Variants in TMEM260 observed in about 807,000 individuals in gnomAD.
The protein encoded by TMEM260 is protein O-mannosyl-transferase TMEM260.
A neutral mutation model predicts 88.9 loss-of-function variants in TMEM260; 82 were observed. The ratio of observed to expected loss-of-function variants is 0.92; its 90% confidence interval spans 0.77 to 1.11. The LOEUF (loss-of-function observed/expected upper bound fraction) is 1.11. Among genes scored for constraint, TMEM260 ranks in the 50% least tolerant of loss-of-function variants. The probability of loss-of-function intolerance (pLI) is 0.00; values close to 1 mark genes in which losing one functional copy is unlikely to be tolerated. For missense variants in TMEM260, 902 were observed against 853.4 expected (o/e 1.06, Z -0.71); for synonymous variants, 314 against 309.3 (o/e 1.02, Z -0.16).
Position 56,645,009 on chromosome 14 carries a change from G to A in TMEM260, c.1870-2234G>A, listed in dbSNP as rs1889859117. On this transcript the variant is annotated intron_variant, in intron 15 of 15. Coordinates refer to ENST00000261556, the MANE Select transcript of TMEM260 (RefSeq NM_017799.4). ...TCAGGAAACAACAGGTGCTGGAGAG[G>A]ATGTGGAGAAATAGGAACACTTTTA... Among the ~76,000 whole-genome samples, 3 of 151,700 alleles carry A rather than the reference G, an allele frequency of 2.0e-5. No homozygotes were observed. In the South Asian group the frequency reaches 6.3e-4, roughly 32 times the overall value.
intron 15 of TMEM260, among the ~76,000 whole-genome samples, chr14:56,641,686 G>A (rs957632328): frequency 1.3e-5 from 2 of 152,182 alleles, no homozygotes; most frequent in Non-Finnish European, 2.9e-5. Context: ...AAATGTAAAT[G>A]GGCTAAATGC....
chr14:56,595,184 A>G (rs1172616329), intron 3 of TMEM260, among the ~76,000 whole-genome samples: 1 of 152,228 alleles, frequency 6.6e-6, no homozygotes, highest in Non-Finnish European at 1.5e-5. Context: ...TAGCAAGTGT[A>G]AGACTAGATA....
intron 12 of TMEM260, among the ~76,000 whole-genome samples, chr14:56,630,661 G>A (rs1888533045): frequency 6.6e-6 from 1 of 151,918 alleles, no homozygotes; most frequent in South Asian, 2.1e-4. Flanking sequence ...GACAATTCTA[G>A]CATTTGTGTC....
downstream of TMEM260, chr14:56,650,185 G>GC: frequency 2.3e-6 from 1 of 429,404 alleles, no homozygotes; most frequent in South Asian, 1.7e-5. Context: ...CGTTCTAGCA[G>GC]TGTCCCGGGA....
chr14:56,583,686 C>T (rs1031572712), intron 1 of TMEM260, among the ~76,000 whole-genome samples: 6 of 151,924 alleles, frequency 3.9e-5, no homozygotes. Flanking sequence ...AAGCAGGTGT[C>T]TAAGGAAAGG....
intron 8 of TMEM260, 72 bp from the exon 9 acceptor site, chr14:56,617,111 A>G (rs1041564764): frequency 5.0e-5 from 45 of 906,008 alleles, no homozygotes; most frequent in Non-Finnish European, 6.4e-5. Context: ...CTAATAGTTT[A>G]AAGTCCTGTG....
Position 56,648,081 on chromosome 14 carries a change from TA to T in TMEM260, c.*597del, listed in dbSNP as rs953725479. 2.1e-3 allele frequency: 294 copies of T among 142,418 alleles called. No homozygotes were observed. The highest frequency in any genetic ancestry group is 3.6e-3 in the Middle Eastern group (1 of 276). 8.8% of individuals were successfully genotyped at this position (142,418 alleles called of 1,614,324 possible). ...GTCTTAGATCGTTCTTGGAAATCAC[TA>T]AAAAAAAAAAAAGTTAATTTGATGT... On this transcript the variant is annotated 3_prime_UTR_variant, in exon 16 of 16. Transcript: ENST00000261556.
At chr14:56,615,722 A>G (rs1295972030) in intron 7 of TMEM260, 1 of 495,502 alleles carries the variant, frequency 2.0e-6, no homozygotes. Flanking sequence ...ATTCCAAATT[A>G]TATAAGTTGA....
At chr14:56,612,139 A>G in intron 6 of TMEM260, 106 bp from the exon 7 acceptor site, 2 of 1,119,546 alleles carry the variant, frequency 1.8e-6, no homozygotes, top group Non-Finnish European at 2.7e-6. Flanking sequence ...AAAATTAAAA[A>G]ATTGTTTTAA....
intron 15 of TMEM260, among the ~76,000 whole-genome samples, chr14:56,646,220 G>A (rs1179281483): frequency 2.0e-5 from 3 of 152,224 alleles, no homozygotes; most frequent in African/African-American, 7.2e-5. Context: ...TTTCATGAGG[G>A]TGCTATTTAA....
chr14:56,661,038 G>C, the TMEM260 span, among the ~76,000 whole-genome samples: 2,046 of 152,314 alleles, frequency 0.013, 40 homozygotes, highest in African/African-American at 0.045. Flanking sequence ...AGGCGGGAGT[G>C]GGGACACAAC....
chr14:56,612,857 A>G (rs1037891997), intron 7 of TMEM260: 1 of 152,168 alleles, frequency 6.6e-6, no homozygotes, highest in Non-Finnish European at 1.5e-5. Context: ...TTAGAATACT[A>G]TATAGAGCAT....
At position 56,647,268 on chromosome 14, in the gene TMEM260, A is replaced by G. The variant is rs971503551; in HGVS notation, c.1895A>G (p.Gln632Arg). Residue 632 changes from glutamine (Q) to arginine (R), a missense_variant, in exon 16 of 16, where the codon CAA becomes CGA. Transcript: ENST00000261556. ...CTTTATAAGGAGATTGTCTATTTAC[A>G]AAAGGAGCACCCAGTGAATTGGCAC... Reference protein sequence around the residue: ...YDLYKEIVYLQKEHPVNWHKN... With the variant: ...YDLYKEIVYLRKEHPVNWHKN... 6.2e-7 allele frequency: 1 copy of G among 1,613,706 alleles called. No homozygotes were observed. Among genetic ancestry groups the G allele is most frequent in the African/African-American group, 1.3e-5 (1 of 75,016 alleles).
chr14:56,638,771 T>TTAAG (rs1354907261), intron 15 of TMEM260, among the ~76,000 whole-genome samples: 2 of 152,086 alleles, frequency 1.3e-5, no homozygotes, highest in African/African-American at 4.8e-5. Context: ...ATACAGAATA[T>TTAAG]TAAGTTCAGG....
At chr14:56,592,852 A>C (rs897478235) in intron 3 of TMEM260, among the ~76,000 whole-genome samples, 1 of 152,226 alleles carries the variant, frequency 6.6e-6, no homozygotes, top group Non-Finnish European at 1.5e-5. Flanking sequence ...GACGTAGGGC[A>C]GTGTACCTTC....
intron 2 of TMEM260, 75 bp downstream of exon 2, chr14:56,585,107 G>A (rs772734242): frequency 4.2e-5 from 56 of 1,342,608 alleles, no homozygotes; most frequent in Non-Finnish European, 5.1e-5. Flanking sequence ...AATTAAGCAT[G>A]GAGTAAAGTA....
chr14:56,655,903 G>A, the TMEM260 span, among the ~76,000 whole-genome samples: 10 of 152,096 alleles, frequency 6.6e-5, no homozygotes, highest in Non-Finnish European at 1.5e-4. Context: ...TCCCTCCCAG[G>A]AAGAGGGGAC....
rs556052742 is a variant in TMEM260 at position 56,606,767 on chromosome 14, C to A, written c.636+1084C>A. Reference sequence around the variant, plus strand: ...AAAAGTAGCTGGGCTTGGCAGTGTGCGCCTGTAGTCCCAGCTACTCAGGAG... The same window carrying A: ...AAAAGTAGCTGGGCTTGGCAGTGTGAGCCTGTAGTCCCAGCTACTCAGGAG... On this transcript the variant is annotated intron_variant, in intron 5 of 15. Coordinates refer to ENST00000261556, the MANE Select transcript of TMEM260 (RefSeq NM_017799.4). Among the ~76,000 whole-genome samples the A allele has an allele frequency of 1.6e-3, 245 of 152,188 alleles. 1 individual carries two copies. The highest frequency in any genetic ancestry group is 0.014 in the Middle Eastern group (4 of 294).
At chr14:56,610,837 C>T (rs1887213048) in intron 6 of TMEM260, among the ~76,000 whole-genome samples, 1 of 151,828 alleles carries the variant, frequency 6.6e-6, no homozygotes, top group Non-Finnish European at 1.5e-5. Flanking sequence ...TCAAAGTGCT[C>T]ATAAAGAGCT....
Sources: allele counts gnomAD v4.1 joint callset (sites outside exome capture counted in the v4.1 genomes callset), GRCh38; gene constraint gnomAD v4.1.1; transcripts MANE v1.5; gene names NCBI Gene and HGNC (gene_info 2026-07-23, HGNC 2026-07-21).